Variants in VSTM4 observed in about 807,000 individuals in gnomAD.
VSTM4 encodes V-set and transmembrane domain-containing protein 4.
Under a neutral mutation model 36.4 loss-of-function variants are expected in VSTM4, and 20 were observed. The ratio of observed to expected loss-of-function variants is 0.55; its 90% CI spans 0.39 to 0.80. The LOEUF (loss-of-function observed/expected upper bound fraction) is 0.80, where lower values mean the gene tolerates loss of function less well. Ranked by LOEUF, VSTM4 falls within the 30% of genes least tolerant of loss-of-function variation. The probability of loss-of-function intolerance (pLI) is 0.00; values close to 1 mark genes in which losing one functional copy is unlikely to be tolerated. For synonymous variants in VSTM4, 182 were observed against 173.9 expected, an observed-to-expected ratio of 1.05 and a Z score of -0.37; for missense variants, 392 against 404.5, an observed-to-expected ratio of 0.97 and a Z score of 0.26.
chr10:49,073,933 A>G (rs1271956979), intron 4 of VSTM4, among the ~76,000 whole-genome samples: 1 of 152,154 alleles, frequency 6.6e-6, no homozygotes, highest in African/African-American at 2.4e-5. Context: ...GGGTGTGCAA[A>G]TTGGCTGAAG....
At chr10:49,076,368 C>T (rs544751377) in intron 4 of VSTM4, among the ~76,000 whole-genome samples, 2 of 152,316 alleles carry the variant, frequency 1.3e-5, no homozygotes, top group African/African-American at 4.8e-5. Flanking sequence ...CTGCCTCCTC[C>T]ATGTCGCAGA....
chr10:49,037,936 C>CAAAA (rs371679019), intron 7 of VSTM4, among the ~76,000 whole-genome samples: 1 of 128,140 alleles, frequency 7.8e-6, no homozygotes. Context: ...TAGCTACTAT[C>CAAAA]AAAGAAAAAA....
chr10:49,040,034 G>T (rs1193484662), intron 7 of VSTM4, among the ~76,000 whole-genome samples: 3 of 152,198 alleles, frequency 2.0e-5, no homozygotes, highest in Admixed American at 1.3e-4. Flanking sequence ...GCCCCAGGAG[G>T]CTTCAAGGGA....
intron 2 of VSTM4, among the ~76,000 whole-genome samples, chr10:49,086,431 A>C (rs1844371900): frequency 6.6e-6 from 1 of 152,218 alleles, no homozygotes; most frequent in Non-Finnish European, 1.5e-5. Flanking sequence ...CAGATGACTC[A>C]AGGTTAGTGC....
intron 7 of VSTM4, among the ~76,000 whole-genome samples, chr10:49,034,263 C>A (rs1003373944): frequency 1.3e-5 from 2 of 152,142 alleles, no homozygotes; most frequent in Non-Finnish European, 2.9e-5. Context: ...TCATCAGTAC[C>A]ATCATCAATA....
chr10:49,042,404 G>C (rs1419789784), intron 7 of VSTM4, among the ~76,000 whole-genome samples: 4 of 152,204 alleles, frequency 2.6e-5, no homozygotes, highest in Non-Finnish European at 4.4e-5. Flanking sequence ...GCAGGCAAAA[G>C]AAGACTCTTT....
At chr10:49,026,467 C>T (rs1400401140) in intron 7 of VSTM4, among the ~76,000 whole-genome samples, 1 of 152,230 alleles carries the variant, frequency 6.6e-6, no homozygotes, top group Non-Finnish European at 1.5e-5. Context: ...ATATCTTGTC[C>T]TAAAACACAA....
At chr10:49,101,902 G>A (rs1828392822) in intron 2 of VSTM4, among the ~76,000 whole-genome samples, 1 of 152,148 alleles carries the variant, frequency 6.6e-6, no homozygotes, top group South Asian at 2.1e-4. Flanking sequence ...AGTTACAAAA[G>A]AATACATGTA....
chr10:49,091,930 G>T (rs1274836450), intron 2 of VSTM4, among the ~76,000 whole-genome samples: 1 of 152,204 alleles, frequency 6.6e-6, no homozygotes, highest in African/African-American at 2.4e-5. Context: ...CTTCCAGAAC[G>T]CAGGATTCGA....
At chr10:49,090,602 T>C (rs959591791) in intron 2 of VSTM4, among the ~76,000 whole-genome samples, 1 of 152,178 alleles carries the variant, frequency 6.6e-6, no homozygotes, top group Non-Finnish European at 1.5e-5. Flanking sequence ...TGCCCCTCTC[T>C]GCCCTCTCAT....
chr10:49,098,219 C>T (rs938229972), intron 2 of VSTM4, among the ~76,000 whole-genome samples: 2 of 152,232 alleles, frequency 1.3e-5, no homozygotes, highest in Non-Finnish European at 2.9e-5. Context: ...GCCCTCAGGC[C>T]TCAGCCTTCC....
chr10:49,062,497 T>A (rs1843895074), intron 5 of VSTM4, among the ~76,000 whole-genome samples: 1 of 152,252 alleles, frequency 6.6e-6, no homozygotes, highest in African/African-American at 2.4e-5. Context: ...TGCCATTTCC[T>A]TCTGCCCTTC....
intron 1 of VSTM4, among the ~76,000 whole-genome samples, chr10:49,113,524 G>A (rs1205169047): frequency 6.6e-6 from 1 of 152,184 alleles, no homozygotes; most frequent in East Asian, 1.9e-4. Context: ...GAGAGGCTAA[G>A]CCCTTGTTCA....
At chr10:49,028,126 T>C (rs1843291086) in intron 7 of VSTM4, among the ~76,000 whole-genome samples, 1 of 152,204 alleles carries the variant, frequency 6.6e-6, no homozygotes, top group African/African-American at 2.4e-5. Flanking sequence ...AGCACAGTAA[T>C]TACCTTTCCC....
At chr10:49,037,180 C>T (rs952840097) in intron 7 of VSTM4, among the ~76,000 whole-genome samples, 1 of 152,200 alleles carries the variant, frequency 6.6e-6, no homozygotes, top group Non-Finnish European at 1.5e-5. Context: ...GGGGGCTGAC[C>T]TGTCTTACTA....
chr10:49,077,102 A>T, intron 4 of VSTM4, 117 bp downstream of exon 4: 7 of 1,025,732 alleles, frequency 6.8e-6, no homozygotes, highest in Non-Finnish European at 1.0e-5. Flanking sequence ...TCACAGGTAA[A>T]TAATCCCTGA....
chr10:49,104,383 C>T (rs372356483), intron 2 of VSTM4, among the ~76,000 whole-genome samples: 57 of 152,244 alleles, frequency 3.7e-4, no homozygotes, highest in African/African-American at 1.3e-3. Flanking sequence ...CCCAGGACAC[C>T]GGGAAAGGTG....
At chr10:49,073,825 G>A (rs1214577869) in intron 4 of VSTM4, among the ~76,000 whole-genome samples, 2 of 152,198 alleles carry the variant, frequency 1.3e-5, no homozygotes, top group Non-Finnish European at 2.9e-5. Flanking sequence ...ATGCAGAAAA[G>A]AGGAAACCCA....
At chr10:49,047,550 T>C (rs1322686192) in intron 6 of VSTM4, among the ~76,000 whole-genome samples, 2 of 152,256 alleles carry the variant, frequency 1.3e-5, no homozygotes, top group Non-Finnish European at 2.9e-5. Flanking sequence ...AGTCAGGCTC[T>C]ACCACGTACC....
Sources: allele counts gnomAD v4.1 joint callset (sites outside exome capture counted in the v4.1 genomes callset), GRCh38; gene constraint gnomAD v4.1.1; transcripts MANE v1.5; gene names NCBI Gene and HGNC (gene_info 2026-07-23, HGNC 2026-07-21).